CREB5: variants seen among roughly 807,000 people sequenced by gnomAD.
CREB5 encodes the protein cAMP responsive element binding protein 5.
Under a neutral mutation model 57.1 loss-of-function variants are expected in CREB5, and 19 were observed. That is an observed-to-expected ratio of 0.33 (90% CI 0.23 to 0.49). CREB5 has a LOEUF of 0.49. Among genes scored for constraint, CREB5 ranks in the 20% least tolerant of loss-of-function variants. The probability of loss-of-function intolerance (pLI) is 0.99; values close to 1 mark genes in which losing one functional copy is unlikely to be tolerated. For synonymous variants in CREB5, 238 were observed against 238.3 expected, an observed-to-expected ratio of 1.00 and a Z score of 0.01; for missense variants, 579 against 671.6, an observed-to-expected ratio of 0.86 and a Z score of 1.52.
At chr7:28,658,981 G>GTGTATATATA (rs1799477666) in intron 5 of CREB5, among the ~76,000 whole-genome samples, 2 of 90,100 alleles carry the variant, frequency 2.2e-5, no homozygotes, top group African/African-American at 7.6e-5. Context: ...ATATATATAT[G>GTGTATATATA]TATATATAAG....
At chr7:28,335,939 C>T (rs536782784) in intron 1 of CREB5, among the ~76,000 whole-genome samples, 1 of 152,096 alleles carries the variant, frequency 6.6e-6, no homozygotes, top group Admixed American at 6.5e-5. Flanking sequence ...GCTTTTTCAG[C>T]ATCAATTGAA....
chr7:28,797,191 G>C (rs1484258494), intron 7 of CREB5, among the ~76,000 whole-genome samples: 3 of 152,142 alleles, frequency 2.0e-5, no homozygotes, highest in African/African-American at 7.2e-5. Flanking sequence ...GTATCACCTA[G>C]CACTTAGTCT....
chr7:28,354,689 A>C (rs551982021), intron 1 of CREB5, among the ~76,000 whole-genome samples: 21 of 152,276 alleles, frequency 1.4e-4, no homozygotes, highest in African/African-American at 4.6e-4. Flanking sequence ...TTGACTCATC[A>C]ACCCTTCCCT....
At chr7:28,634,406 T>C (rs1476294715) in intron 5 of CREB5, among the ~76,000 whole-genome samples, 1 of 152,200 alleles carries the variant, frequency 6.6e-6, no homozygotes, top group Non-Finnish European at 1.5e-5. Flanking sequence ...TTACTCTTAA[T>C]GAAAAATATT....
intron 1 of CREB5, among the ~76,000 whole-genome samples, chr7:28,445,552 CTT>C (rs879648466): frequency 4.9e-5 from 7 of 143,230 alleles, no homozygotes; most frequent in Non-Finnish European, 3.1e-5. Context: ...TCTTCTTTTT[CTT>C]TTTTTTTTTT....
intron 9 of CREB5, among the ~76,000 whole-genome samples, chr7:28,810,156 CTT>C (rs758497423): frequency 1.3e-5 from 2 of 151,484 alleles, no homozygotes; most frequent in Non-Finnish European, 2.9e-5. Flanking sequence ...CTCCAATAGA[CTT>C]TATAGATTAT....
At chr7:28,463,034 G>T (rs960687048) in intron 1 of CREB5, among the ~76,000 whole-genome samples, 3 of 151,996 alleles carry the variant, frequency 2.0e-5, no homozygotes, top group East Asian at 3.9e-4. Flanking sequence ...TTATGTCTAT[G>T]ATTTCTTCTA....
intron 4 of CREB5, among the ~76,000 whole-genome samples, chr7:28,533,905 T>C (rs10951197): frequency 0.32 from 48,744 of 152,054 alleles, 8,373 homozygotes; most frequent in East Asian, 0.51. Context: ...AAAAACCAAG[T>C]GTAAACATGA....
chr7:28,781,915 A>G (rs1325815613), intron 7 of CREB5, among the ~76,000 whole-genome samples: 2 of 149,678 alleles, frequency 1.3e-5, no homozygotes, highest in Non-Finnish European at 3.0e-5. Context: ...ACAAATATTC[A>G]TTAAATTTCA....
intron 5 of CREB5, among the ~76,000 whole-genome samples, chr7:28,716,305 G>T (rs1407100653): frequency 6.6e-5 from 10 of 152,048 alleles, no homozygotes; most frequent in Admixed American, 5.9e-4. Flanking sequence ...ATAATATGTT[G>T]CCCTTTGTCC....
rs185887444 is a variant in CREB5, at chr7:28,602,587, A to G, written c.464+32050A>G. ...CTTGTATGGACCTCAGAGGAATTAT[A>G]CTTAATGGAAAAAGCCAATCTCAAA... On this transcript the variant is annotated intron_variant, in intron 5 of 10. Transcript: ENST00000357727. 3.6e-4 allele frequency among the ~76,000 whole-genome samples: 55 copies of G among 152,334 alleles called. 2 individuals carry two copies. The highest frequency in any genetic ancestry group is 1.3e-3 in the African/African-American group (52 of 41,578).
rs117562162 is a variant in CREB5 at position 28,639,946 on chromosome 7, A to T, written c.464+69409A>T. Among the ~76,000 whole-genome samples the T allele has an allele frequency of 6.7e-3, 1,025 of 152,294 alleles. 6 individuals are homozygous for T. The highest frequency in any genetic ancestry group is 0.011 in the Non-Finnish European group (720 of 68,016). ...GGCACACACAAGTATGAGATCAGCT[A>T]GATGTAAAAGACAAGTACTCCCTTA... On this transcript the variant is annotated intron_variant, in intron 5 of 10. Coordinates refer to ENST00000357727, the MANE Select transcript of CREB5 (RefSeq NM_182898.4).
intron 5 of CREB5, among the ~76,000 whole-genome samples, chr7:28,639,206 A>G (rs1487653860): frequency 1.3e-5 from 2 of 152,184 alleles, no homozygotes; most frequent in Non-Finnish European, 2.9e-5. Flanking sequence ...CTTTAATCTT[A>G]TCTCTGTTTG....
intron 7 of CREB5, among the ~76,000 whole-genome samples, chr7:28,788,557 G>A (rs1807468435): frequency 6.6e-6 from 1 of 152,172 alleles, no homozygotes; most frequent in Non-Finnish European, 1.5e-5. Context: ...TGAGTCTTTT[G>A]GAAATAGGCA....
At chr7:28,555,588 A>G (rs974657343) in intron 4 of CREB5, among the ~76,000 whole-genome samples, 18 of 152,224 alleles carry the variant, frequency 1.2e-4, no homozygotes, top group Admixed American at 1.1e-3. Flanking sequence ...GTATTTCTTT[A>G]CATATAGGGC....
intron 1 of CREB5, among the ~76,000 whole-genome samples, chr7:28,468,193 G>A (rs534559166): frequency 2.5e-4 from 38 of 152,320 alleles, no homozygotes; most frequent in African/African-American, 8.2e-4. Flanking sequence ...TTTCTGGGAT[G>A]GAGTTTACAT....
At chr7:28,598,595 G>T (rs983215478) in intron 5 of CREB5, among the ~76,000 whole-genome samples, 3 of 152,236 alleles carry the variant, frequency 2.0e-5, no homozygotes, top group Admixed American at 1.3e-4. Flanking sequence ...ATTAGCACTG[G>T]TGAGTCCATT....
At chr7:28,410,262 G>A (rs1364256341), upstream of CREB5, 3 of 455,432 alleles carry the variant, frequency 6.6e-6, no homozygotes, top group Admixed American at 2.3e-5. Flanking sequence ...CCACTCCTCC[G>A]GCCGCCTCCT....
intron 1 of CREB5, among the ~76,000 whole-genome samples, chr7:28,328,932 A>G (rs1785661814): frequency 6.6e-6 from 1 of 152,198 alleles, no homozygotes; most frequent in Non-Finnish European, 1.5e-5. Flanking sequence ...AGCCATATGC[A>G]AGTACACTTT....
Sources: gnomAD v4.1 joint callset for allele counts (sites outside exome capture counted in the v4.1 genomes callset) on GRCh38, gnomAD v4.1.1 for gene constraint, MANE v1.5 for transcripts, NCBI Gene and HGNC (gene_info 2026-07-23, HGNC 2026-07-21) for gene names.